Variants in ADAMTSL1 observed in about 807,000 individuals in gnomAD.
ADAMTSL1 encodes the protein ADAMTS like 1.
In ADAMTSL1, 126 loss-of-function variants were observed where a neutral mutation model predicts 201.8. That is an observed-to-expected ratio of 0.62 (90% CI 0.54 to 0.72). The LOEUF (loss-of-function observed/expected upper bound fraction) is 0.72, where lower values mean the gene tolerates loss of function less well. ADAMTSL1 is among the 30% of genes least tolerant of loss of function. ADAMTSL1 has a pLI of 0.00. For missense variants in ADAMTSL1, 2,679 were observed against 2,277.8 expected, an observed-to-expected ratio of 1.18 and a Z score of -3.59; for synonymous variants, 1,121 against 903.4, an observed-to-expected ratio of 1.24 and a Z score of -4.32.
At chr9:18,455,818 A>C (rs1388332038) in intron 2 of ADAMTSL1, among the ~76,000 whole-genome samples, 2 of 148,516 alleles carry the variant, frequency 1.3e-5, no homozygotes, top group Non-Finnish European at 3.0e-5. Flanking sequence ...TGAACTTGGC[A>C]AGAATCACTA....
rs946282348 is a variant in ADAMTSL1 at position 17,960,301 on chromosome 9, T to C, written c.87+53379T>C. 3.9e-5 allele frequency among the ~76,000 whole-genome samples: 6 copies of C among 152,200 alleles called. No homozygotes were observed. The South Asian group carries it at 8.3e-4, about 21-fold the overall frequency. ...CTGCTTGCATCTTATTGAGCAAAACTTAGTCACATGGATATGTCAGCCTTG... is the reference window on the plus strand; with the variant it reads ...CTGCTTGCATCTTATTGAGCAAAACCTAGTCACATGGATATGTCAGCCTTG... On this transcript the variant is annotated intron_variant, in intron 1 of 29. Coordinates refer to the ADAMTSL1 transcript ENST00000680146.
Position 18,476,074 on chromosome 9 carries a change from A to C in ADAMTSL1, c.63+1779A>C, listed in dbSNP as rs143918343. ...GTATTATAAAGATAAAATTAAAACA[A>C]ACCTAGGTTTGTTTTATGCCTGCAT... On this transcript the variant is annotated intron_variant, in intron 1 of 28. Transcript: ENST00000380548. Among the ~76,000 whole-genome samples the C allele has an allele frequency of 5.0e-3, 758 of 152,258 alleles. 10 individuals are homozygous for C. The highest frequency in any genetic ancestry group is 0.017 in the African/African-American group (720 of 41,580).
chr9:18,070,340 T>C (rs2131730741), intron 1 of ADAMTSL1, among the ~76,000 whole-genome samples: 1 of 152,216 alleles, frequency 6.6e-6, no homozygotes, highest in African/African-American at 2.4e-5. Context: ...AGGAGTTGCT[T>C]CAGAGAGGGA....
chr9:18,397,618 C>G (rs1337052063), intron 2 of ADAMTSL1, among the ~76,000 whole-genome samples: 1 of 152,098 alleles, frequency 6.6e-6, no homozygotes, highest in Non-Finnish European at 1.5e-5. Context: ...AAACCCAATA[C>G]AAGTACATGT....
intron 2 of ADAMTSL1, among the ~76,000 whole-genome samples, chr9:18,525,937 A>T (rs897387319): frequency 6.6e-6 from 1 of 152,056 alleles, no homozygotes; most frequent in African/African-American, 2.4e-5. Context: ...TGGGGTGGAG[A>T]GTTTTGTAGA....
rs1400852199 is a variant in ADAMTSL1, at chr9:18,752,048, G to C, written c.2007-1250G>C. Among the ~76,000 whole-genome samples the C allele has an allele frequency of 2.4e-5, 2 of 82,972 alleles. 1 individual carries two copies. Among genetic ancestry groups the C allele is most frequent in the Non-Finnish European group, 4.7e-5 (2 of 42,784 alleles). 54.4% of individuals were successfully genotyped at this position (82,972 alleles called of 152,430 possible). A position where few individuals can be genotyped will look rare whatever the true frequency, so the allele number is the denominator to read the frequency against. ...GGAGCTTGCAGTGAGCCGAGATCCCGCCACTGCACTCCAGCCTGGGCGACA... is the reference window on the plus strand; with the variant it reads ...GGAGCTTGCAGTGAGCCGAGATCCCCCCACTGCACTCCAGCCTGGGCGACA... On this transcript the variant is annotated intron_variant, in intron 15 of 28. Transcript: ENST00000380548.
intron 1 of ADAMTSL1, among the ~76,000 whole-genome samples, chr9:17,912,831 A>G (rs1329871051): frequency 6.8e-6 from 1 of 147,136 alleles, no homozygotes; most frequent in Admixed American, 6.9e-5. Context: ...TCTAACGTTT[A>G]AGTCTTTAAT....
At chr9:18,603,624 A>G (rs1287885220) in intron 4 of ADAMTSL1, among the ~76,000 whole-genome samples, 1 of 152,208 alleles carries the variant, frequency 6.6e-6, no homozygotes, top group East Asian at 1.9e-4. Context: ...ATTTGTTTCT[A>G]TAATGACACA....
chr9:18,132,515 C>A (rs957544719), intron 1 of ADAMTSL1, among the ~76,000 whole-genome samples: 8 of 152,082 alleles, frequency 5.3e-5, no homozygotes, highest in Non-Finnish European at 1.2e-4. Context: ...TGATCTGCCA[C>A]GGGTTAGATT....
intron 2 of ADAMTSL1, among the ~76,000 whole-genome samples, chr9:18,449,782 CA>C (rs2131666433): frequency 6.6e-6 from 1 of 152,214 alleles, no homozygotes; most frequent in East Asian, 1.9e-4. Context: ...AAAGCTTTTT[CA>C]ACGTTATTAG....
chr9:18,065,256 G>A (rs1441109805), intron 1 of ADAMTSL1, among the ~76,000 whole-genome samples: 7 of 152,062 alleles, frequency 4.6e-5, no homozygotes, highest in Admixed American at 2.6e-4. Flanking sequence ...AGGATTTCCT[G>A]TACACAGAGA....
intron 15 of ADAMTSL1, 64 bp downstream of exon 15, chr9:18,721,729 T>G: frequency 6.4e-7 from 1 of 1,560,012 alleles, no homozygotes; most frequent in South Asian, 1.2e-5. Context: ...CATCTTTCAG[T>G]GGGCAAGACT....
chr9:18,518,444 C>T lies in ADAMTSL1; in HGVS notation c.191+13488C>T, dbSNP rs527912235. On this transcript the variant is annotated intron_variant, in intron 2 of 28. Transcript: ENST00000380548. ...GAGTTAATTCACTTAGGATAATGGC[C>T]TCCAGCTCCATCCATGTTGCCGTAA... Among the ~76,000 whole-genome samples, 196 of 152,274 alleles carry T rather than the reference C, an allele frequency of 1.3e-3. 2 individuals are homozygous for T. The South Asian group carries it at 0.014, about 11-fold the overall frequency.
intron 1 of ADAMTSL1, among the ~76,000 whole-genome samples, chr9:18,093,362 A>C (rs1824108932): frequency 6.6e-6 from 1 of 152,194 alleles, no homozygotes; most frequent in African/African-American, 2.4e-5. Context: ...ACCTAATTTA[A>C]GTTTTTTAAA....
intron 3 of ADAMTSL1, among the ~76,000 whole-genome samples, chr9:18,534,987 T>G (rs1819670751): frequency 6.6e-6 from 1 of 152,194 alleles, no homozygotes; most frequent in Non-Finnish European, 1.5e-5. Flanking sequence ...TCTGACATGA[T>G]CTGGAGACAT....
intron 6 of ADAMTSL1, among the ~76,000 whole-genome samples, chr9:18,637,060 G>C (rs1477440806): frequency 1.3e-5 from 2 of 151,696 alleles, no homozygotes; most frequent in East Asian, 3.8e-4. Flanking sequence ...AGTCTTTCTA[G>C]ATATAAAAAT....
At chr9:18,389,483 T>C (rs1442874409) in intron 2 of ADAMTSL1, among the ~76,000 whole-genome samples, 1 of 152,176 alleles carries the variant, frequency 6.6e-6, no homozygotes, top group Non-Finnish European at 1.5e-5. Context: ...GGCTATCCTG[T>C]ATTCATATTA....
intron 1 of ADAMTSL1, among the ~76,000 whole-genome samples, chr9:18,061,761 CT>C (rs912830996): frequency 3.9e-5 from 6 of 152,112 alleles, no homozygotes; most frequent in South Asian, 2.1e-4. Context: ...ATAAATTATT[CT>C]TTTTTATATT....
At chr9:18,877,506 G>T (rs1828240873) in intron 23 of ADAMTSL1, among the ~76,000 whole-genome samples, 1 of 152,150 alleles carries the variant, frequency 6.6e-6, no homozygotes, top group Non-Finnish European at 1.5e-5. Context: ...TCTCTTCTGG[G>T]TTTAGCCATC....
Sources: allele counts gnomAD v4.1 joint callset (sites outside exome capture counted in the v4.1 genomes callset), GRCh38; gene constraint gnomAD v4.1.1; transcripts MANE v1.5; gene names NCBI Gene and HGNC (gene_info 2026-07-23, HGNC 2026-07-21).